The following PLXDC2 variants were observed in gnomAD, a reference collection of about 807,000 sequenced individuals.
The protein encoded by PLXDC2 is plexin domain-containing protein 2.
PLXDC2 carries 40 observed loss-of-function variants against 68.9 expected under a neutral mutation model. The observed-to-expected ratio is 0.58, with a 90% CI of 0.45 to 0.76. PLXDC2 has a LOEUF of 0.76. Ranked by LOEUF, PLXDC2 falls within the 30% of genes least tolerant of loss-of-function variation. PLXDC2 has a pLI of 0.00. For synonymous variants in PLXDC2, 243 were observed against 234.2 expected, an observed-to-expected ratio of 1.04 and a Z score of -0.34; for missense variants, 644 against 661.9, an observed-to-expected ratio of 0.97 and a Z score of 0.30.
chr10:20,144,258 T>A (rs1486523131), intron 5 of PLXDC2, among the ~76,000 whole-genome samples: 1 of 152,130 alleles, frequency 6.6e-6, no homozygotes, highest in Non-Finnish European at 1.5e-5. Flanking sequence ...GCATTTGGGG[T>A]GAACAGAGTT....
intron 1 of PLXDC2, among the ~76,000 whole-genome samples, chr10:19,997,941 G>A (rs1002786703): frequency 5.9e-5 from 9 of 152,204 alleles, no homozygotes; most frequent in East Asian, 5.8e-4. Flanking sequence ...TCAAAGCTTC[G>A]TCTTCTTATA....
chr10:20,246,353 T>TTTTG (rs1232686817), intron 13 of PLXDC2, among the ~76,000 whole-genome samples: 1 of 152,286 alleles, frequency 6.6e-6, no homozygotes, highest in East Asian at 1.9e-4. Flanking sequence ...TGCAGGTTTT[T>TTTTG]TTTGTTTGTT....
At chr10:20,157,966 A>G (rs1004035639) in intron 6 of PLXDC2, among the ~76,000 whole-genome samples, 5 of 152,152 alleles carry the variant, frequency 3.3e-5, no homozygotes, top group Admixed American at 2.6e-4. Context: ...GAAATGTGCG[A>G]TTCAATACAG....
Position 20,280,625 on chromosome 10 carries a change from C to T in PLXDC2, c.*806C>T, listed in dbSNP as rs1229532946. The stretch of plus-strand genomic sequence containing the variant: ...GATTTATGCTTTATGGAAGCCTTAC[C>T]TCCAATCCCCAACTGTTAAGTCCCA... On this transcript the variant is annotated 3_prime_UTR_variant, in exon 14 of 14. Transcript: ENST00000377252. The T allele has an allele frequency of 4.6e-5, 7 of 152,080 alleles. No homozygotes were observed. Among genetic ancestry groups the T allele is most frequent in the African/African-American group, 1.7e-4 (7 of 41,418 alleles). 9.4% of individuals were successfully genotyped at this position (152,080 alleles called of 1,614,324 possible).
intron 9 of PLXDC2, among the ~76,000 whole-genome samples, chr10:20,207,610 G>A (rs1001461178): frequency 7.9e-5 from 12 of 152,148 alleles, no homozygotes; most frequent in African/African-American, 2.7e-4. Context: ...AAAACAGAAT[G>A]TCAGTACATT....
At chr10:20,022,289 G>A (rs1347235861) in intron 2 of PLXDC2, among the ~76,000 whole-genome samples, 2 of 152,176 alleles carry the variant, frequency 1.3e-5, no homozygotes, top group Middle Eastern at 3.2e-3. Context: ...TACAAATGGA[G>A]TCTTCTTGGA....
At chr10:19,975,970 C>T (rs1834447059) in intron 1 of PLXDC2, among the ~76,000 whole-genome samples, 1 of 151,968 alleles carries the variant, frequency 6.6e-6, no homozygotes, top group Non-Finnish European at 1.5e-5. Flanking sequence ...TGCCACTGCA[C>T]TCCAGCCTGA....
At chr10:20,243,564 A>G (rs567594520) in intron 12 of PLXDC2, among the ~76,000 whole-genome samples, 1 of 152,312 alleles carries the variant, frequency 6.6e-6, no homozygotes, top group African/African-American at 2.4e-5. Context: ...AAGAATTAGG[A>G]GGTCATATTT....
At chr10:19,877,694 C>T (rs1052883505) in intron 1 of PLXDC2, among the ~76,000 whole-genome samples, 4 of 152,264 alleles carry the variant, frequency 2.6e-5, no homozygotes, top group African/African-American at 7.2e-5. Context: ...TGGAGCAAAA[C>T]TACTCTCTCG....
chr10:19,984,618 G>C (rs1458872352), intron 1 of PLXDC2, among the ~76,000 whole-genome samples: 1 of 152,180 alleles, frequency 6.6e-6, no homozygotes, highest in Non-Finnish European at 1.5e-5. Flanking sequence ...AAGGCAAATA[G>C]TGATTTCTGC....
chr10:20,117,166 A>G (rs969458060), intron 4 of PLXDC2, among the ~76,000 whole-genome samples: 38 of 152,168 alleles, frequency 2.5e-4, no homozygotes, highest in African/African-American at 9.2e-4. Flanking sequence ...TAAAGTTTTC[A>G]ATAACAGTAG....
intron 1 of PLXDC2, among the ~76,000 whole-genome samples, chr10:19,980,888 A>G (rs895665321): frequency 6.6e-6 from 1 of 152,162 alleles, no homozygotes; most frequent in Non-Finnish European, 1.5e-5. Context: ...AGTCCATAAC[A>G]TCTGGTTTTA....
chr10:20,083,476 C>CAA (rs376829237), intron 4 of PLXDC2, among the ~76,000 whole-genome samples: 28,232 of 121,038 alleles, frequency 0.23, 3,448 homozygotes, highest in South Asian at 0.31. Flanking sequence ...GACTCCGTCT[C>CAA]AAAAAAAAAA....
intron 1 of PLXDC2, among the ~76,000 whole-genome samples, chr10:19,973,987 CATG>C (rs1379781129): frequency 6.6e-6 from 1 of 152,142 alleles, no homozygotes; most frequent in Non-Finnish European, 1.5e-5. Context: ...AAACTAGAAT[CATG>C]ATAATTACTT....
chr10:19,834,992 C>T (rs907380731), intron 1 of PLXDC2, among the ~76,000 whole-genome samples: 3 of 152,030 alleles, frequency 2.0e-5, no homozygotes, highest in Non-Finnish European at 4.4e-5. Flanking sequence ...ATGTCTGGGT[C>T]TGCATTTGAA....
At chr10:19,823,552 A>G (rs1836518075) in intron 1 of PLXDC2, among the ~76,000 whole-genome samples, 1 of 151,884 alleles carries the variant, frequency 6.6e-6, no homozygotes, top group African/African-American at 2.4e-5. Context: ...GCATGGTGGC[A>G]TGCACCTGTA....
chr10:19,981,175 G>C (rs1392696332), intron 1 of PLXDC2, among the ~76,000 whole-genome samples: 1 of 152,108 alleles, frequency 6.6e-6, no homozygotes, highest in Non-Finnish European at 1.5e-5. Flanking sequence ...TTTGATAGTT[G>C]AATCTTCAAG....
chr10:20,018,362 T>C (rs886100096), intron 2 of PLXDC2, among the ~76,000 whole-genome samples: 2 of 152,244 alleles, frequency 1.3e-5, no homozygotes, highest in Non-Finnish European at 2.9e-5. Flanking sequence ...ACTTCTTCTC[T>C]ACTATTCTCC....
chr10:20,138,065 A>G (rs994973868), intron 4 of PLXDC2, among the ~76,000 whole-genome samples: 5 of 152,178 alleles, frequency 3.3e-5, no homozygotes, highest in African/African-American at 1.2e-4. Context: ...ACCTTTCTTA[A>G]ATGTACGTAG....
Sources: gnomAD v4.1 joint callset for allele counts (sites outside exome capture counted in the v4.1 genomes callset) on GRCh38, gnomAD v4.1.1 for gene constraint, MANE v1.5 for transcripts, NCBI Gene and HGNC (gene_info 2026-07-23, HGNC 2026-07-21) for gene names.